The following LRP1B variants were observed in gnomAD, a reference collection of about 807,000 sequenced individuals.
LRP1B encodes the protein low-density lipoprotein receptor-related protein 1B.
A neutral mutation model predicts 556.6 loss-of-function variants in LRP1B; 217 were observed. The ratio of observed to expected loss-of-function variants is 0.39; its 90% confidence interval spans 0.35 to 0.44. The LOEUF (loss-of-function observed/expected upper bound fraction) is 0.44, where lower values mean the gene tolerates loss of function less well. Among genes scored for constraint, LRP1B ranks in the 20% least tolerant of loss-of-function variants. LRP1B has a pLI of 1.00. For missense variants in LRP1B, 5,053 were observed against 5,620.8 expected (o/e 0.90, Z 3.23); for synonymous variants, 2,047 against 1,865.8 (o/e 1.10, Z -2.50).
chr2:140,627,139 G>T (rs1326942494), intron 41 of LRP1B, among the ~76,000 whole-genome samples: 1 of 152,148 alleles, frequency 6.6e-6, no homozygotes, highest in African/African-American at 2.4e-5. Flanking sequence ...AAGCAATGAG[G>T]ATATGGGTGG....
At chr2:140,585,207 C>G (rs1258094580) in intron 43 of LRP1B, among the ~76,000 whole-genome samples, 1 of 151,834 alleles carries the variant, frequency 6.6e-6, no homozygotes, top group Non-Finnish European at 1.5e-5. Flanking sequence ...TTTCATAATT[C>G]AAGGGGGGAT....
chr2:140,544,254 G>A (rs949179507), intron 43 of LRP1B, among the ~76,000 whole-genome samples: 2 of 148,084 alleles, frequency 1.4e-5, no homozygotes, highest in Non-Finnish European at 3.0e-5. Context: ...TGTATCACAG[G>A]GGTATTAACT....
chr2:141,238,059 A>G (rs993768395), intron 5 of LRP1B, among the ~76,000 whole-genome samples: 8 of 152,216 alleles, frequency 5.3e-5, no homozygotes, highest in African/African-American at 1.9e-4. Context: ...AAGATATGTA[A>G]TTGATAACCA....
intron 3 of LRP1B, among the ~76,000 whole-genome samples, chr2:141,449,074 T>C (rs1681308511): frequency 6.6e-6 from 1 of 152,260 alleles, no homozygotes; most frequent in Non-Finnish European, 1.5e-5. Context: ...CAAAACTATG[T>C]GAAATCTTCC....
At chr2:141,371,758 T>C (rs1360446468) in intron 3 of LRP1B, among the ~76,000 whole-genome samples, 1 of 151,992 alleles carries the variant, frequency 6.6e-6, no homozygotes, top group Non-Finnish European at 1.5e-5. Context: ...ACATCTAAGA[T>C]TTTTTTTGGT....
At chr2:140,363,603 T>C (rs1190203826) in intron 72 of LRP1B, among the ~76,000 whole-genome samples, 1 of 151,596 alleles carries the variant, frequency 6.6e-6, no homozygotes, top group African/African-American at 2.4e-5. Context: ...TCTAAGATTA[T>C]GTAAAGAAAA....
intron 1 of LRP1B, among the ~76,000 whole-genome samples, chr2:142,031,333 T>A (rs1441270505): frequency 2.2e-5 from 3 of 133,370 alleles, no homozygotes; most frequent in Non-Finnish European, 4.8e-5. Context: ...TATACTTATT[T>A]TTTTTTTTTT....
At chr2:140,400,088 T>G (rs746742121) in intron 66 of LRP1B, among the ~76,000 whole-genome samples, 1 of 152,226 alleles carries the variant, frequency 6.6e-6, no homozygotes, top group African/African-American at 2.4e-5. Context: ...ACTCAAGTGA[T>G]GAAGACTTTT....
At chr2:140,280,200 A>G (rs1682856918) in intron 84 of LRP1B, among the ~76,000 whole-genome samples, 1 of 151,796 alleles carries the variant, frequency 6.6e-6, no homozygotes, top group African/African-American at 2.4e-5. Flanking sequence ...CTCACACTCC[A>G]CTTTCACACA....
chr2:142,065,785 T>G (rs911549303), intron 1 of LRP1B, among the ~76,000 whole-genome samples: 6 of 151,350 alleles, frequency 4.0e-5, no homozygotes, highest in Admixed American at 6.6e-5. Flanking sequence ...TTTTAACCTA[T>G]TACAGCATCG....
chr2:141,224,916 G>A (rs1683184743), intron 6 of LRP1B, among the ~76,000 whole-genome samples: 1 of 152,052 alleles, frequency 6.6e-6, no homozygotes. Context: ...AACCACCGCA[G>A]TACATGTTTT....
intron 41 of LRP1B, among the ~76,000 whole-genome samples, chr2:140,613,761 T>C (rs1474442779): frequency 6.6e-6 from 1 of 152,102 alleles, no homozygotes; most frequent in Non-Finnish European, 1.5e-5. Flanking sequence ...CCCTTTAATG[T>C]GCCTGCCCCA....
intron 2 of LRP1B, among the ~76,000 whole-genome samples, chr2:141,783,691 ATTTCATT>A (rs1475935882): frequency 6.6e-6 from 1 of 151,916 alleles, no homozygotes; most frequent in Non-Finnish European, 1.5e-5. Flanking sequence ...CTAAGAAAAT[ATTTCATT>A]TTTCATATTG....
chr2:141,888,366 TA>T (rs559588076), intron 1 of LRP1B, among the ~76,000 whole-genome samples: 105 of 152,216 alleles, frequency 6.9e-4, no homozygotes, highest in African/African-American at 2.4e-3. Flanking sequence ...TGATAGAAAA[TA>T]TTGAGGTTCT....
At chr2:140,417,291 C>A (rs531136503) in intron 66 of LRP1B, among the ~76,000 whole-genome samples, 1 of 152,164 alleles carries the variant, frequency 6.6e-6, no homozygotes, top group Non-Finnish European at 1.5e-5. Context: ...GTTAATCCTG[C>A]CTGCTACTAT....
intron 31 of LRP1B, among the ~76,000 whole-genome samples, chr2:140,819,065 T>A (rs1360182958): frequency 6.6e-6 from 1 of 152,136 alleles, no homozygotes; most frequent in Admixed American, 6.5e-5. Flanking sequence ...AGTCGCCTTG[T>A]CTAAGTATTT....
intron 35 of LRP1B, among the ~76,000 whole-genome samples, chr2:140,766,838 TATATATTATA>T (rs1689127746): frequency 5.4e-5 from 1 of 18,664 alleles, no homozygotes; most frequent in Non-Finnish European, 2.0e-4. Flanking sequence ...TATATATATA[TATATATTATA>T]TATATATATA....
chr2:141,096,379 G>A (rs962143420), intron 7 of LRP1B, among the ~76,000 whole-genome samples: 4 of 152,074 alleles, frequency 2.6e-5, no homozygotes, highest in African/African-American at 9.7e-5. Context: ...CTGGCGGTCA[G>A]GAGTTCAAGA....
intron 86 of LRP1B, among the ~76,000 whole-genome samples, chr2:140,247,923 C>G (rs776075687): frequency 2.6e-5 from 4 of 151,560 alleles, no homozygotes; most frequent in Non-Finnish European, 4.4e-5. Context: ...ACATAAGATG[C>G]CTTTGTGCAT....
Sources: gnomAD v4.1 joint callset for allele counts (sites outside exome capture counted in the v4.1 genomes callset) on GRCh38, gnomAD v4.1.1 for gene constraint, MANE v1.5 for transcripts, NCBI Gene and HGNC (gene_info 2026-07-23, HGNC 2026-07-21) for gene names.